EML2: variants seen among roughly 807,000 people sequenced by gnomAD.
The protein encoded by EML2 is EMAP like 2, also known as echinoderm microtubule-associated protein-like 2.
EML2 carries 59 observed loss-of-function variants against 84.7 expected under a neutral mutation model. The ratio of observed to expected loss-of-function variants is 0.70; its 90% confidence interval spans 0.56 to 0.86. The LOEUF (loss-of-function observed/expected upper bound fraction) is 0.86. Ranked by LOEUF, EML2 falls within the 40% of genes least tolerant of loss-of-function variation. The probability of loss-of-function intolerance (pLI) is 0.00; values close to 1 mark genes in which losing one functional copy is unlikely to be tolerated. For missense variants in EML2, 818 were observed against 855.6 expected (o/e 0.96, Z 0.55); for synonymous variants, 352 against 348.9 (o/e 1.01, Z -0.10).
At chr19:45,644,572 C>T, upstream of EML2, 1 of 412,116 alleles carries the variant, frequency 2.4e-6, no homozygotes, top group South Asian at 1.7e-5. Context: ...ACCCCCACAC[C>T]TCCACCATCC....
At chr19:45,614,368 G>A (rs1439527887) in intron 17 of EML2, among the ~76,000 whole-genome samples, 2 of 152,210 alleles carry the variant, frequency 1.3e-5, no homozygotes, top group Non-Finnish European at 2.9e-5. Flanking sequence ...TGGGTGGCTA[G>A]GGCACCGGCA....
In EML2 at chr19:45,621,563, C is replaced by T. The variant is rs76329857; in HGVS notation, c.916G>A (p.Gly306Arg). 2,045 of 1,612,774 alleles carry T rather than the reference C, an allele frequency of 1.3e-3. 25 individuals are homozygous for T. The African/African-American group carries it at 0.023, about 18-fold the overall frequency. The part of the protein sequence containing the change: ...GVFGLCALRD[G>R]TLVSGGGRDR... ...CGGCCCCCTCCAGACACCAGCGTCCCGTCCCGCAGGGCGCAGAGCCCAAAC... is the reference window on the plus strand; with the variant it reads ...CGGCCCCCTCCAGACACCAGCGTCCTGTCCCGCAGGGCGCAGAGCCCAAAC... Residue 306 changes from glycine (G) to arginine (R), a missense_variant, in exon 10 of 19, where the codon GGG becomes AGG. Physicochemically the swap from Gly to Arg is moderately radical, Grantham distance 125. Transcript: ENST00000245925.
In EML2 at chr19:45,626,838, C is replaced by T. The variant is rs1972396284; in HGVS notation, c.608G>A (p.Cys203Tyr). 6.2e-7 allele frequency: 1 copy of T among 1,611,104 alleles called. No individual in the cohort carries two copies. Among genetic ancestry groups the T allele is most frequent in the Non-Finnish European group, 8.5e-7 (1 of 1,178,612 alleles). The change falls in exon 8 of 19, where the codon TGC (cysteine) becomes TAC (tyrosine). Residue 203 changes from cysteine to tyrosine, a missense_variant and splice_region_variant. Transcript: ENST00000245925. Reference protein sequence around the residue: ...AKETKVVDVKCSNEAVLVATF... With the variant: ...AKETKVVDVKYSNEAVLVATF... Reference sequence around the variant, plus strand: ...GGCCACCAATACAGCCTCATTGGAGCACTTTGGGGGGTGGGGGAGATTCTG... The same window carrying T: ...GGCCACCAATACAGCCTCATTGGAGTACTTTGGGGGGTGGGGGAGATTCTG...
At chr19:45,631,289 G>A (rs1241872171) in intron 6 of EML2, among the ~76,000 whole-genome samples, 2 of 152,162 alleles carry the variant, frequency 1.3e-5, no homozygotes, top group Non-Finnish European at 2.9e-5. Flanking sequence ...CAGAAAACCG[G>A]TGAGGGTCCA....
Position 45,624,611 on chromosome 19 carries a change from A to T in EML2, c.841+108T>A, listed in dbSNP as rs1972087091. 11 of 758,112 alleles carry T rather than the reference A, an allele frequency of 1.5e-5. 1 individual carries two copies. The South Asian group carries it at 1.9e-4, about 13-fold the overall frequency. The allele number at this position is 758,112 out of a possible 1,614,324, so 47.0% of individuals were successfully genotyped here. On this transcript the variant is annotated intron_variant, in intron 9 of 18. Transcript: ENST00000245925. ...ACCTTGACGAGGGTGTTGGAATCGG[A>T]CATCCATTTACACTCATTTCACACA...
upstream of EML2, chr19:45,640,322 T>A (rs1042918334): frequency 1.3e-5 from 2 of 152,086 alleles, no homozygotes; most frequent in African/African-American, 4.8e-5. Context: ...TAGGCTTAAG[T>A]GAGCCTCCTG....
chr19:45,638,130 G>A (rs931735197), intron 3 of EML2, among the ~76,000 whole-genome samples: 9 of 152,182 alleles, frequency 5.9e-5, no homozygotes, highest in Non-Finnish European at 1.2e-4. Context: ...TATGAGCTCA[G>A]TACCTTTACA....
upstream of EML2, chr19:45,642,990 A>AAG: frequency 6.6e-6 from 1 of 151,272 alleles, no homozygotes; most frequent in African/African-American, 2.4e-5. Context: ...GTCTCAAAAA[A>AAG]AAAAAAAAGA....
At chr19:45,626,872 C>T (rs1248398598) in intron 7 of EML2, 33 bp from the exon 8 acceptor site, 9 of 1,571,338 alleles carry the variant, frequency 5.7e-6, no homozygotes, top group Non-Finnish European at 7.8e-6. Flanking sequence ...TGAATGAGGA[C>T]CTCAAAGTCC....
chr19:45,627,114 C>G (rs1796348765), intron 7 of EML2, among the ~76,000 whole-genome samples: 1 of 152,034 alleles, frequency 6.6e-6, no homozygotes, highest in Non-Finnish European at 1.5e-5. Flanking sequence ...CAGGTGCTAC[C>G]ACACCCAGCT....
In EML2 at chr19:45,616,813, T is replaced by C. The variant is rs371846195; in HGVS notation, c.1363A>G (p.Ile455Val). The C allele has an allele frequency of 2.6e-5, 42 of 1,613,272 alleles. No homozygotes were observed. Among genetic ancestry groups the C allele is most frequent in the Non-Finnish European group, 3.4e-5 (40 of 1,179,926 alleles). ...LDTETHDLVA[I>V]HTDGNEQISV... ...ATCTGTTCATTGCCGTCTGTGTGGATAGCCACCAGGTCATGGGTCTCCGTG... is the reference window on the plus strand; with the variant it reads ...ATCTGTTCATTGCCGTCTGTGTGGACAGCCACCAGGTCATGGGTCTCCGTG... The change falls in exon 14 of 19, where the codon ATC becomes GTC. Residue 455 changes from isoleucine to valine, a missense_variant. Physicochemically the swap from Ile to Val is conservative, Grantham distance 29 (BLOSUM62 3). Transcript: ENST00000245925.
At chr19:45,633,990 A>C (rs763366116) in intron 4 of EML2, among the ~76,000 whole-genome samples, 1 of 152,168 alleles carries the variant, frequency 6.6e-6, no homozygotes, top group Non-Finnish European at 1.5e-5. Flanking sequence ...TTGCTCTTTC[A>C]CCCAGGCTGG....
intron 16 of EML2, chr19:45,614,916 C>T: frequency 2.1e-6 from 1 of 479,420 alleles, no homozygotes; most frequent in Non-Finnish European, 3.8e-6. Flanking sequence ...CCGCATCTGG[C>T]CGGGCATGGT....
chr19:45,614,456 C>T, intron 17 of EML2, 149 bp downstream of exon 17: 1 of 711,472 alleles, frequency 1.4e-6, no homozygotes, highest in South Asian at 1.6e-5. Flanking sequence ...TCTCACCCTA[C>T]CCTTTCCTCT....
Position 45,626,735 on chromosome 19 carries a change from G to A in EML2, c.711C>T (p.Gly237=), listed in dbSNP as rs1427877610. The part of the protein sequence containing the change: ...SHIYFWTLEG[G]SLSKRQGLFE... Reference sequence around the variant, plus strand: ...AGAGGCCTTGCCGCTTGCTCAAGCTGCCCCCCTCCAAGGTCCAGAAGTAGA... The same window carrying A: ...AGAGGCCTTGCCGCTTGCTCAAGCTACCCCCCTCCAAGGTCCAGAAGTAGA... The change falls in exon 8 of 19, where the codon GGC becomes GGT. Residue 237 remains glycine (G), a synonymous_variant. Transcript: ENST00000245925. The A allele has an allele frequency of 1.9e-6, 3 of 1,613,662 alleles. No homozygotes were observed. Among genetic ancestry groups the A allele is most frequent in the African/African-American group, 1.3e-5 (1 of 74,968 alleles).
chr19:45,617,504 G>T, intron 13 of EML2, 126 bp downstream of exon 13: 3 of 812,308 alleles, frequency 3.7e-6, no homozygotes, highest in Non-Finnish European at 3.8e-6. Context: ...GCTGCAGTGA[G>T]CCAGAGGAAT....
At chr19:45,634,558 T>A in intron 3 of EML2, 87 bp from the exon 4 acceptor site, 1 of 1,055,334 alleles carries the variant, frequency 9.5e-7, no homozygotes, top group Non-Finnish European at 1.2e-6. Flanking sequence ...TATTTTTAAT[T>A]TTTTTATTTA....
At chr19:45,642,398 A>G (rs761393621), upstream of EML2, 1 of 1,517,478 alleles carries the variant, frequency 6.6e-7, no homozygotes, top group South Asian at 1.2e-5. Flanking sequence ...CAGGAGCTCC[A>G]GTGCCCAAGG....
At chr19:45,628,162 G>C (rs1181196949) in intron 7 of EML2, among the ~76,000 whole-genome samples, 2 of 151,500 alleles carry the variant, frequency 1.3e-5, no homozygotes, top group Non-Finnish European at 2.9e-5. Flanking sequence ...ACGAGGTCAG[G>C]AGTTCGAGAC....
Sources: gnomAD v4.1 joint callset for allele counts (sites outside exome capture counted in the v4.1 genomes callset) on GRCh38, gnomAD v4.1.1 for gene constraint, MANE v1.5 for transcripts, NCBI Gene and HGNC (gene_info 2026-07-23, HGNC 2026-07-21) for gene names.